The following RYR3 variants were observed in gnomAD, a reference collection of about 807,000 sequenced individuals.
RYR3 encodes ryanodine receptor 3, also known as brain ryanodine receptor-calcium release channel.
A neutral mutation model predicts 584.3 loss-of-function variants in RYR3; 207 were observed. The ratio of observed to expected loss-of-function variants is 0.35; its 90% CI spans 0.32 to 0.40. The LOEUF (loss-of-function observed/expected upper bound fraction) is 0.40, where lower values mean the gene tolerates loss of function less well. Ranked by LOEUF, RYR3 falls within the 10% of genes least tolerant of loss-of-function variation. The probability of loss-of-function intolerance (pLI) is 1.00; values close to 1 mark genes in which losing one functional copy is unlikely to be tolerated. For synonymous variants in RYR3, 2,416 were observed against 2,248.5 expected (o/e 1.07, Z -2.11); for missense variants, 5,616 against 6,089.2 (o/e 0.92, Z 2.59).
intron 12 of RYR3, among the ~76,000 whole-genome samples, chr15:33,575,929 T>A (rs111540625): frequency 4.6e-5 from 7 of 152,010 alleles, no homozygotes; most frequent in South Asian, 4.2e-4. Context: ...AAAGGGGATA[T>A]TAGCATTGAC....
rs756671043 is a variant in RYR3, at chr15:33,838,714, A to T, written c.12734A>T (p.Asp4245Val). ...MPDPTQFGIH[D>V]DTMEAERAEV... ...GACCCAACCCAATTTGGTATCCATG[A>T]TGACACTATGGAGGCTGAGAGGGCA... The change falls in exon 89 of 104, where the codon GAT (aspartate) becomes GTT (valine). Residue 4245 changes from aspartate to valine, a missense_variant. By Grantham distance (152) the Asp-to-Val change is radical (BLOSUM62 -3). Coordinates refer to ENST00000634891, the MANE Select transcript of RYR3 (RefSeq NM_001036.6). 5.0e-6 allele frequency: 8 copies of T among 1,613,834 alleles called. No individual in the cohort carries two copies. In the African/African-American group the frequency reaches 1.1e-4, roughly 22 times the overall value.
Position 33,820,797 on chromosome 15 carries a change from GGAAAA to G in RYR3, c.10801_10805del (p.Glu3601AsnfsTer21). ...AGGATGAAGAAGAAGATGAAGACAA[GGAAAA>G]AACATTCGAAGTAAGTTCTCATGAA... On this transcript the variant is annotated frameshift_variant, in exon 78 of 104. Coordinates refer to ENST00000634891, the MANE Select transcript of RYR3 (RefSeq NM_001036.6). LOFTEE classifies it high-confidence loss of function. 1 of 1,600,694 alleles carries G rather than the reference GGAAAA, an allele frequency of 6.2e-7. No homozygotes were observed. The highest frequency in any genetic ancestry group is 8.5e-7 in the Non-Finnish European group (1 of 1,173,460).
intron 38 of RYR3, among the ~76,000 whole-genome samples, chr15:33,685,399 T>C (rs1177164341): frequency 6.6e-6 from 1 of 152,118 alleles, no homozygotes; most frequent in Admixed American, 6.5e-5. Context: ...GAGCTAACTA[T>C]CCTAAATATA....
At chr15:33,353,362 C>A (rs1438314992) in intron 1 of RYR3, among the ~76,000 whole-genome samples, 4 of 152,094 alleles carry the variant, frequency 2.6e-5, no homozygotes. Flanking sequence ...TGGGCAGGAG[C>A]AAAAGCAGAG....
chr15:33,420,119 A>G (rs529844619), intron 1 of RYR3, among the ~76,000 whole-genome samples: 16 of 152,316 alleles, frequency 1.1e-4, no homozygotes, highest in African/African-American at 3.6e-4. Context: ...GTGACTTTCC[A>G]CAGCAATTCT....
At chr15:33,471,228 G>C (rs1202092360) in intron 1 of RYR3, among the ~76,000 whole-genome samples, 1 of 152,214 alleles carries the variant, frequency 6.6e-6, no homozygotes, top group African/African-American at 2.4e-5. Flanking sequence ...GAAGGTTCCA[G>C]ATAGAATGTG....
chr15:33,600,349 G>A (rs528483905), intron 16 of RYR3, among the ~76,000 whole-genome samples: 1 of 152,226 alleles, frequency 6.6e-6, no homozygotes, highest in South Asian at 2.1e-4. Context: ...CTGCCTCTCT[G>A]TTGGCGCAAC....
intron 1 of RYR3, among the ~76,000 whole-genome samples, chr15:33,439,717 AATG>A (rs1303533585): frequency 5.9e-5 from 9 of 152,228 alleles, no homozygotes; most frequent in African/African-American, 1.9e-4. Flanking sequence ...ATAAAATCAG[AATG>A]ATAATATGGA....
intron 2 of RYR3, among the ~76,000 whole-genome samples, chr15:33,482,207 G>A (rs1355469357): frequency 1.3e-5 from 2 of 151,856 alleles, no homozygotes; most frequent in African/African-American, 4.8e-5. Flanking sequence ...TTTTTCTCTG[G>A]ATAAAAAATC....
chr15:33,541,353 A>G (rs1055583082), intron 7 of RYR3, among the ~76,000 whole-genome samples: 3 of 152,056 alleles, frequency 2.0e-5, no homozygotes, highest in Non-Finnish European at 4.4e-5. Context: ...ATTTGTTTTC[A>G]CTTGTATTTA....
At position 33,311,390 on chromosome 15, in the gene RYR3, T is replaced by G. The variant is rs8041099; in HGVS notation, c.51+294T>G. On this transcript the variant is annotated intron_variant, in intron 1 of 103. Coordinates refer to ENST00000634891, the MANE Select transcript of RYR3 (RefSeq NM_001036.6). The surrounding 1 kb of genome is among the most constrained non-coding windows in gnomAD (Gnocchi z 4.4). ...CAACTTGCTACTTGGTCTGAAACCCTTGATGCCCAAACTTCAGCCGGGGTT... is the reference window on the plus strand; with the variant it reads ...CAACTTGCTACTTGGTCTGAAACCCGTGATGCCCAAACTTCAGCCGGGGTT... Among the ~76,000 whole-genome samples the G allele has an allele frequency of 6.6e-6, 1 of 152,202 alleles. No individual in the cohort carries two copies. The highest frequency in any genetic ancestry group is 6.5e-5 in the Admixed American group (1 of 15,282).
chr15:33,706,960 C>T lies in RYR3; in HGVS notation c.6525C>T (p.Pro2175=), dbSNP rs1596258502. The change falls in exon 43 of 104, where the codon CCC becomes CCT. Residue 2175 remains proline, a synonymous_variant. Transcript: ENST00000634891. ...YLAGCGLQSC[P]MLLAKGYPDV... ...CAGGCTGTGGCCTACAGAGCTGCCC[C>T]ATGCTTCTGGCCAAAGGATACCCTG... 3 of 1,612,386 alleles carry T rather than the reference C, an allele frequency of 1.9e-6. No individual in the cohort carries two copies. Among genetic ancestry groups the T allele is most frequent in the Non-Finnish European group, 2.5e-6 (3 of 1,179,212 alleles).
intron 1 of RYR3, among the ~76,000 whole-genome samples, chr15:33,331,880 A>G (rs1970415203): frequency 1.3e-5 from 2 of 152,060 alleles, no homozygotes; most frequent in African/African-American, 4.8e-5. Context: ...TTGGATAATA[A>G]TTGCATGTAA....
intron 94 of RYR3, 53 bp from the exon 95 acceptor site, chr15:33,852,992 G>C: frequency 6.7e-7 from 1 of 1,497,142 alleles, no homozygotes; most frequent in Non-Finnish European, 9.2e-7. Flanking sequence ...TTCTTGATGT[G>C]TTTTCCTTGA....
At chr15:33,406,662 C>A (rs2043040648) in intron 1 of RYR3, among the ~76,000 whole-genome samples, 1 of 152,152 alleles carries the variant, frequency 6.6e-6, no homozygotes, top group Non-Finnish European at 1.5e-5. Context: ...CAGGCTGAAG[C>A]CTTGTGTTCT....
In RYR3 at chr15:33,623,971, C is replaced by A. The variant is rs1038072618; in HGVS notation, c.2522C>A (p.Thr841Asn). The A allele has an allele frequency of 1.2e-6, 2 of 1,613,864 alleles. No individual in the cohort carries two copies. The highest frequency in any genetic ancestry group is 1.3e-5 in the African/African-American group (1 of 74,936). ...GGCATTAGAGATCTCTTGGGTACCA[C>A]CCAGTTCCTCTCCCAAGCCTCTTTC... is the stretch of plus-strand genomic sequence containing the variant. ...ADGIRDLLGT[T>N]QFLSQASFIP... The change falls in exon 20 of 104, where the codon ACC (threonine) becomes AAC (asparagine). Residue 841 changes from threonine to asparagine, a missense_variant. Physicochemically the swap from Thr to Asn is moderately conservative, Grantham distance 65 (BLOSUM62 0). Around this residue, in one of 9 missense-constraint regions of RYR3, gnomAD observed 1,284 missense variants for 1,344.6 expected, o/e 0.95. Transcript: ENST00000634891.
At chr15:33,367,746 A>G (rs1975707532) in intron 1 of RYR3, among the ~76,000 whole-genome samples, 2 of 152,244 alleles carry the variant, frequency 1.3e-5, no homozygotes, top group Admixed American at 1.3e-4. Context: ...AACTGTTCGC[A>G]TATCCCTGAA....
chr15:33,642,811 A>T lies in RYR3; in HGVS notation c.3557-1500A>T, dbSNP rs75903948. On this transcript the variant is annotated intron_variant, in intron 27 of 103. Coordinates refer to ENST00000634891, the MANE Select transcript of RYR3 (RefSeq NM_001036.6). ...CAGTCCGTTGACTGTCCTGAGAGGTAGGGGTCCTAGTCTGTCCTCAGTTGG... is the reference window on the plus strand; with the variant it reads ...CAGTCCGTTGACTGTCCTGAGAGGTTGGGGTCCTAGTCTGTCCTCAGTTGG... 8.2e-3 allele frequency among the ~76,000 whole-genome samples: 1,255 copies of T among 152,336 alleles called. 13 individuals are homozygous for T. The highest frequency in any genetic ancestry group is 0.029 in the African/African-American group (1,207 of 41,578).
chr15:33,671,118 C>T lies in RYR3; in HGVS notation c.5860+562C>T, dbSNP rs1056194956. 2.0e-5 allele frequency among the ~76,000 whole-genome samples: 3 copies of T among 152,066 alleles called. No homozygotes were observed. The East Asian group carries it at 5.8e-4, about 29-fold the overall frequency. On this transcript the variant is annotated intron_variant, in intron 38 of 103. Transcript: ENST00000634891. ...TTTGTCTAGATTTATCTCTCTAATC[C>T]TTATACTATAGATGACTCCTACCGT...
Sources: gnomAD v4.1 joint callset for allele counts (sites outside exome capture counted in the v4.1 genomes callset) on GRCh38, gnomAD v4.1.1 for gene constraint, gnomAD v4.1.1 regional missense constraint, Gnocchi (gnomAD v3.1) non-coding constraint, MANE v1.5 for transcripts, NCBI Gene and HGNC (gene_info 2026-07-23, HGNC 2026-07-21) for gene names.